The following XYLT1 variants were observed in gnomAD, a reference collection of about 807,000 sequenced individuals.
XYLT1 encodes beta-D-xylosyltransferase 1.
Under a neutral mutation model 91.3 loss-of-function variants are expected in XYLT1, and 36 were observed. That is an observed-to-expected ratio of 0.39 (90% CI 0.30 to 0.52). The LOEUF is 0.52. XYLT1 is among the 20% of genes least tolerant of loss of function. The probability of loss-of-function intolerance (pLI) is 0.68; values close to 1 mark genes in which losing one functional copy is unlikely to be tolerated. For missense variants in XYLT1, 1,242 were observed against 1,284.5 expected (o/e 0.97, Z 0.51); for synonymous variants, 588 against 532.0 (o/e 1.11, Z -1.45).
At chr16:17,272,427 G>A (rs1022196622) in intron 2 of XYLT1, among the ~76,000 whole-genome samples, 1 of 152,074 alleles carries the variant, frequency 6.6e-6, no homozygotes, top group Non-Finnish European at 1.5e-5. Flanking sequence ...GCCTCCCAAA[G>A]TGCTAAGATT....
chr16:17,208,959 G>T (rs913223388), intron 3 of XYLT1, among the ~76,000 whole-genome samples: 1 of 152,066 alleles, frequency 6.6e-6, no homozygotes, highest in Non-Finnish European at 1.5e-5. Flanking sequence ...ACTCTTGACT[G>T]CAGGTGATCA....
chr16:17,155,205 C>G (rs2031375540), intron 6 of XYLT1, among the ~76,000 whole-genome samples: 1 of 152,172 alleles, frequency 6.6e-6, no homozygotes, highest in Admixed American at 6.5e-5. Flanking sequence ...CCCCGCTGCC[C>G]TAGTGCTGTG....
intron 1 of XYLT1, among the ~76,000 whole-genome samples, chr16:17,385,533 A>G (rs2035738648): frequency 6.6e-6 from 1 of 151,836 alleles, no homozygotes; most frequent in African/African-American, 2.4e-5. Flanking sequence ...TTTTGACACA[A>G]TACACGGTAT....
chr16:17,466,978 G>A (rs889734397), intron 1 of XYLT1, among the ~76,000 whole-genome samples: 3 of 152,140 alleles, frequency 2.0e-5, no homozygotes, highest in African/African-American at 7.2e-5. Flanking sequence ...CTCCAAGGCT[G>A]TTAGAAGCAG....
rs1054110007 is a variant in XYLT1 at position 17,106,180 on chromosome 16, C to T, written c.*2515G>A. The T allele has an allele frequency of 6.6e-6, 1 of 152,182 alleles. No individual in the cohort carries two copies. The highest frequency in any genetic ancestry group is 6.5e-5 in the Admixed American group (1 of 15,272). The allele number at this position is 152,182 out of a possible 1,614,324, so 9.4% of individuals were successfully genotyped here. ...ATGTTAGTGGGTGCAGGAGGGGCCCCATCTTGAAGTCTGCAGGTTCACATT... is the reference window on the plus strand; with the variant it reads ...ATGTTAGTGGGTGCAGGAGGGGCCCTATCTTGAAGTCTGCAGGTTCACATT... On this transcript the variant is annotated 3_prime_UTR_variant, in exon 12 of 12. Coordinates refer to ENST00000261381, the MANE Select transcript of XYLT1 (RefSeq NM_022166.4).
chr16:17,203,981 T>G (rs2032591825), intron 3 of XYLT1, among the ~76,000 whole-genome samples: 2 of 152,240 alleles, frequency 1.3e-5, no homozygotes, highest in African/African-American at 4.8e-5. Flanking sequence ...GTGCCTCCTA[T>G]GCATCCATTG....
intron 2 of XYLT1, among the ~76,000 whole-genome samples, chr16:17,266,934 T>C (rs754734486): frequency 1.3e-5 from 2 of 152,198 alleles, no homozygotes; most frequent in African/African-American, 2.4e-5. Context: ...CCAATGCAAA[T>C]AGACCTAACA....
At chr16:17,200,172 GATCA>G (rs1234308470) in intron 4 of XYLT1, among the ~76,000 whole-genome samples, 2 of 151,090 alleles carry the variant, frequency 1.3e-5, no homozygotes, top group Non-Finnish European at 2.9e-5. Context: ...AGTGAGCGGA[GATCA>G]TGCCACGGCA....
intron 2 of XYLT1, among the ~76,000 whole-genome samples, chr16:17,296,549 T>C (rs879023538): frequency 1.3e-5 from 2 of 152,168 alleles, no homozygotes. Flanking sequence ...ACGTGCAAGA[T>C]ACCAGAGAGG....
intron 9 of XYLT1, among the ~76,000 whole-genome samples, chr16:17,133,389 C>T (rs944844060): frequency 5.3e-5 from 8 of 151,830 alleles, no homozygotes; most frequent in Admixed American, 2.6e-4. Flanking sequence ...AGGAAATAAT[C>T]AAAAGAGAGA....
At chr16:17,109,344 A>G (rs971939830) in intron 11 of XYLT1, among the ~76,000 whole-genome samples, 2 of 152,190 alleles carry the variant, frequency 1.3e-5, no homozygotes, top group African/African-American at 4.8e-5. Context: ...CAGTCAACAC[A>G]TATTTACTAA....
chr16:17,358,715 A>G (rs910210850), intron 1 of XYLT1, among the ~76,000 whole-genome samples: 12 of 152,200 alleles, frequency 7.9e-5, no homozygotes, highest in African/African-American at 2.7e-4. Context: ...CAAACCCTCT[A>G]TAAGGAGAGT....
At chr16:17,169,035 T>C (rs911279544) in intron 5 of XYLT1, among the ~76,000 whole-genome samples, 2 of 152,346 alleles carry the variant, frequency 1.3e-5, no homozygotes, top group Admixed American at 6.5e-5. Context: ...TTTGGTCTCC[T>C]GGGAAAAATA....
intron 8 of XYLT1, 73 bp from the exon 9 acceptor site, chr16:17,134,808 A>C (rs1466485684): frequency 1.3e-6 from 2 of 1,562,530 alleles, no homozygotes; most frequent in African/African-American, 1.4e-5. Flanking sequence ...CTAAGGGCAT[A>C]TCCTGTGGTT....
At chr16:17,284,139 G>T (rs2034098473) in intron 2 of XYLT1, among the ~76,000 whole-genome samples, 1 of 152,206 alleles carries the variant, frequency 6.6e-6, no homozygotes, top group Admixed American at 6.5e-5. Context: ...TAAATGGAAA[G>T]AAATAGCACC....
At chr16:17,110,875 T>C (rs1051337210) in intron 11 of XYLT1, among the ~76,000 whole-genome samples, 1 of 152,074 alleles carries the variant, frequency 6.6e-6, no homozygotes, top group African/African-American at 2.4e-5. Flanking sequence ...ATTCAAACAA[T>C]TGGGCCAGGC....
chr16:17,278,587 C>A (rs1362326336), intron 2 of XYLT1, among the ~76,000 whole-genome samples: 1 of 152,200 alleles, frequency 6.6e-6, no homozygotes, highest in African/African-American at 2.4e-5. Context: ...AGTGGAGCTT[C>A]ATGGAGCTCC....
intron 1 of XYLT1, among the ~76,000 whole-genome samples, chr16:17,458,472 A>G (rs2036773410): frequency 6.6e-6 from 1 of 152,142 alleles, no homozygotes; most frequent in Non-Finnish European, 1.5e-5. Context: ...ACTTTCCATA[A>G]CTGTGGGAGC....
At chr16:17,398,849 G>GTTTTGTTTT (rs932992334) in intron 1 of XYLT1, among the ~76,000 whole-genome samples, 1 of 118,752 alleles carries the variant, frequency 8.4e-6, no homozygotes, top group African/African-American at 3.5e-5. Flanking sequence ...GTTTTGTTTT[G>GTTTTGTTTT]TTTTGTTTTG....
Sources: allele counts gnomAD v4.1 joint callset (sites outside exome capture counted in the v4.1 genomes callset), GRCh38; gene constraint gnomAD v4.1.1; transcripts MANE v1.5; gene names NCBI Gene and HGNC (gene_info 2026-07-23, HGNC 2026-07-21).